SLC7A11: variants seen among roughly 807,000 people sequenced by gnomAD.
SLC7A11 encodes cystine/glutamate transporter.
SLC7A11 carries 35 observed loss-of-function variants against 54.5 expected under a neutral mutation model. The observed-to-expected ratio is 0.64, with a 90% confidence interval of 0.49 to 0.85. SLC7A11 has a LOEUF of 0.85. SLC7A11 is among the 40% of genes least tolerant of loss of function. The probability of loss-of-function intolerance (pLI) is 0.00; values close to 1 mark genes in which losing one functional copy is unlikely to be tolerated. For missense variants in SLC7A11, 583 were observed against 618.1 expected, an observed-to-expected ratio of 0.94 and a Z score of 0.60; for synonymous variants, 230 against 225.2, an observed-to-expected ratio of 1.02 and a Z score of -0.19.
At chr4:138,231,619 G>A (rs1738081851) in intron 3 of SLC7A11, among the ~76,000 whole-genome samples, 1 of 152,096 alleles carries the variant, frequency 6.6e-6, no homozygotes, top group Non-Finnish European at 1.5e-5. Flanking sequence ...TGGGGAATTA[G>A]AGTCATATAT....
At chr4:138,220,291 T>C (rs1259036912) in intron 4 of SLC7A11, among the ~76,000 whole-genome samples, 2 of 152,108 alleles carry the variant, frequency 1.3e-5, no homozygotes, top group East Asian at 1.9e-4. Context: ...AAAATGCCCA[T>C]TCATGAAGTA....
At chr4:138,233,991 T>C (rs1738145681) in intron 2 of SLC7A11, among the ~76,000 whole-genome samples, 1 of 152,230 alleles carries the variant, frequency 6.6e-6, no homozygotes, top group African/African-American at 2.4e-5. Context: ...GCCAGATCTC[T>C]TGGAGTATAT....
chr4:138,188,739 T>C (rs913584369), intron 6 of SLC7A11, among the ~76,000 whole-genome samples: 3 of 152,210 alleles, frequency 2.0e-5, no homozygotes, highest in Non-Finnish European at 2.9e-5. Flanking sequence ...AAGGAACCAG[T>C]AGGCCACGGA....
chr4:138,191,611 GA>G (rs1578641495), intron 6 of SLC7A11, among the ~76,000 whole-genome samples: 1 of 151,974 alleles, frequency 6.6e-6, no homozygotes, highest in East Asian at 1.9e-4. Context: ...CACAACTCAG[GA>G]ATATGGAATA....
chr4:138,185,335 T>C, intron 6 of SLC7A11, 91 bp from the exon 7 acceptor site: 1 of 1,390,022 alleles, frequency 7.2e-7, no homozygotes, highest in Non-Finnish European at 1.0e-6. Flanking sequence ...AAATGAAGAA[T>C]ATAATGGTAT....
chr4:138,185,314 C>G, intron 6 of SLC7A11, 70 bp from the exon 7 acceptor site: 6 of 1,506,506 alleles, frequency 4.0e-6, no homozygotes, highest in East Asian at 2.3e-5. Flanking sequence ...AAGAAAATAA[C>G]AGGCTAATTC....
chr4:138,201,789 A>T (rs943536215), intron 6 of SLC7A11, among the ~76,000 whole-genome samples: 1 of 152,166 alleles, frequency 6.6e-6, no homozygotes, highest in Non-Finnish European at 1.5e-5. Flanking sequence ...CTATGAGCAA[A>T]GCATTGTCAG....
At chr4:138,175,093 G>A (rs936086642) in intron 11 of SLC7A11, among the ~76,000 whole-genome samples, 5 of 152,096 alleles carry the variant, frequency 3.3e-5, no homozygotes, top group African/African-American at 9.7e-5. Flanking sequence ...AGAAATGTAG[G>A]CAAGCTTAAT....
chr4:138,191,419 T>C (rs1292504706), intron 6 of SLC7A11, among the ~76,000 whole-genome samples: 2 of 151,994 alleles, frequency 1.3e-5, no homozygotes, highest in Non-Finnish European at 1.5e-5. Context: ...GAGAGACCTG[T>C]AGGGAGATGT....
chr4:138,176,627 C>T (rs964116357), intron 11 of SLC7A11: 2 of 152,150 alleles, frequency 1.3e-5, no homozygotes, highest in Admixed American at 6.6e-5. Flanking sequence ...AACAAAATGC[C>T]TGCTAAAGTG....
intron 6 of SLC7A11, among the ~76,000 whole-genome samples, chr4:138,191,754 C>T (rs1205964781): frequency 6.6e-6 from 1 of 152,018 alleles, no homozygotes; most frequent in Admixed American, 6.6e-5. Flanking sequence ...CATTTGCTTG[C>T]ATTTCATACA....
intron 3 of SLC7A11, among the ~76,000 whole-genome samples, chr4:138,229,023 G>T (rs1257469758): frequency 6.6e-6 from 1 of 152,068 alleles, no homozygotes; most frequent in Non-Finnish European, 1.5e-5. Flanking sequence ...TCTCTCAAAT[G>T]GTTGGCTAAC....
intron 11 of SLC7A11, chr4:138,175,533 G>A (rs1282359562): frequency 6.6e-6 from 1 of 151,918 alleles, no homozygotes; most frequent in East Asian, 1.9e-4. Flanking sequence ...AGAAGCTTGT[G>A]TTTCTATAAG....
intron 11 of SLC7A11, chr4:138,174,488 A>G (rs1736516395): frequency 6.6e-6 from 1 of 152,202 alleles, no homozygotes; most frequent in South Asian, 2.1e-4. Flanking sequence ...AATGACTTTC[A>G]TCGTAATGAA....
At position 138,167,522 on chromosome 4, in the gene SLC7A11, T is replaced by TATC. The variant is rs1736299164; in HGVS notation, c.*4431_*4433dup. On this transcript the variant is annotated 3_prime_UTR_variant, in exon 12 of 12. Coordinates refer to ENST00000280612, the MANE Select transcript of SLC7A11 (RefSeq NM_014331.4). ...ACCTAGAGATCACACTTTTAGATAT[T>TATC]ATCTATTTTAACATAGATTAAAAAT... 6.6e-6 allele frequency: 1 copy of TATC among 152,208 alleles called. No homozygotes were observed. The highest frequency in any genetic ancestry group is 6.5e-5 in the Admixed American group (1 of 15,278). The allele number at this position is 152,208 out of a possible 1,614,324, so 9.4% of individuals were successfully genotyped here. A position where few individuals can be genotyped will look rare whatever the true frequency, so the allele number is the denominator to read the frequency against.
At chr4:138,202,430 A>C (rs939661828) in intron 6 of SLC7A11, among the ~76,000 whole-genome samples, 5 of 151,960 alleles carry the variant, frequency 3.3e-5, no homozygotes, top group African/African-American at 1.2e-4. Flanking sequence ...ACCCATTCAA[A>C]CTTTTTAACA....
intron 6 of SLC7A11, among the ~76,000 whole-genome samples, chr4:138,205,031 G>A (rs1256513321): frequency 6.6e-6 from 1 of 151,974 alleles, no homozygotes; most frequent in Non-Finnish European, 1.5e-5. Flanking sequence ...GATGGTGTTT[G>A]TATATTACTT....
intron 3 of SLC7A11, among the ~76,000 whole-genome samples, chr4:138,228,187 A>G (rs1578668877): frequency 6.6e-6 from 1 of 152,104 alleles, no homozygotes; most frequent in African/African-American, 2.4e-5. Context: ...GAGAATTAGG[A>G]TGGGGTTCTT....
At chr4:138,206,149 G>C (rs1360551070) in intron 6 of SLC7A11, among the ~76,000 whole-genome samples, 1 of 151,876 alleles carries the variant, frequency 6.6e-6, no homozygotes. Context: ...AAAAGGATTA[G>C]ATGGTCTTCA....
Sources: gnomAD v4.1 joint callset for allele counts (sites outside exome capture counted in the v4.1 genomes callset) on GRCh38, gnomAD v4.1.1 for gene constraint, MANE v1.5 for transcripts, NCBI Gene and HGNC (gene_info 2026-07-23, HGNC 2026-07-21) for gene names.